Variants in PRR14L observed in about 807,000 individuals in gnomAD.
The protein encoded by PRR14L is protein PRR14L.
Under a neutral mutation model 155.0 loss-of-function variants are expected in PRR14L, and 80 were observed. The observed-to-expected ratio is 0.52, with a 90% CI of 0.43 to 0.62. The LOEUF (loss-of-function observed/expected upper bound fraction) is 0.62. Among genes scored for constraint, PRR14L ranks in the 20% least tolerant of loss-of-function variants. The pLI, the probability that PRR14L is intolerant of heterozygous loss-of-function variation, is 0.00. For missense variants in PRR14L, 2,469 were observed against 2,548.0 expected (o/e 0.97, Z 0.67); for synonymous variants, 883 against 916.0 (o/e 0.96, Z 0.65).
chr22:31,718,221 C>T (rs1276205602), intron 3 of PRR14L, among the ~76,000 whole-genome samples: 1 of 151,356 alleles, frequency 6.6e-6, no homozygotes, highest in Non-Finnish European at 1.5e-5. Flanking sequence ...AGCCACCACG[C>T]CCGGCCCGCC....
In PRR14L at chr22:31,715,206, G is replaced by T; in HGVS notation, c.2633C>A (p.Ala878Glu). ...TGAAATTCCACTATTTAACAAGCCT[G>T]CTACCATTTTGTTTCTGATCTTATC... The part of the protein sequence containing the change: ...PGDKIRNKMV[A>E]GLLNSGISNK... Residue 878 changes from alanine (A) to glutamate (E), a missense_variant, in exon 4 of 9, where the codon GCA becomes GAA. Physicochemically the swap from Ala to Glu is moderately radical, Grantham distance 107 (BLOSUM62 -1). Around this residue, in one of 2 missense-constraint regions of PRR14L, gnomAD observed 2,363 missense variants for 2,371.6 expected, o/e 1.00. Transcript: ENST00000327423. The T allele has an allele frequency of 1.9e-6, 3 of 1,552,188 alleles. No homozygotes were observed. Among genetic ancestry groups the T allele is most frequent in the Non-Finnish European group, 2.6e-6 (3 of 1,147,106 alleles).
At chr22:31,696,698 A>G (rs981716882) in intron 7 of PRR14L, among the ~76,000 whole-genome samples, 3 of 152,268 alleles carry the variant, frequency 2.0e-5, no homozygotes, top group Non-Finnish European at 4.4e-5. Flanking sequence ...TGATACATCA[A>G]TCAAAACACT....
rs906687373 is a variant in PRR14L, at chr22:31,714,059, A to G, written c.3780T>C (p.Asn1260=). ...NVNSEETDLK[N]LCKPKDGEML... ...TTTCACCATCTTTTGGTTTACAAAG[A>G]TTTTTCAGGTCAGTTTCTTCACTGT... The change falls in exon 4 of 9, where the codon AAT becomes AAC. Residue 1260 remains asparagine (N), a synonymous_variant. Transcript: ENST00000327423. 8 of 1,550,028 alleles carry G rather than the reference A, an allele frequency of 5.2e-6. No homozygotes were observed. The Admixed American group carries it at 1.4e-4, about 27-fold the overall frequency.
chr22:31,725,070 T>C (rs1014857068), intron 3 of PRR14L, among the ~76,000 whole-genome samples: 3 of 152,140 alleles, frequency 2.0e-5, no homozygotes, highest in African/African-American at 7.2e-5. Context: ...TATTTGATGA[T>C]ATAAAATCCA....
At chr22:31,730,735 C>T (rs1232029449) in intron 2 of PRR14L, among the ~76,000 whole-genome samples, 4 of 152,154 alleles carry the variant, frequency 2.6e-5, no homozygotes, top group African/African-American at 9.7e-5. Context: ...ATTAATGATT[C>T]CTGCTTGAGA....
intron 2 of PRR14L, among the ~76,000 whole-genome samples, chr22:31,728,227 T>A (rs2074728430): frequency 6.6e-6 from 1 of 152,120 alleles, no homozygotes; most frequent in Non-Finnish European, 1.5e-5. Flanking sequence ...TAGCCAATCA[T>A]ATGATGAACT....
At chr22:31,729,116 C>G (rs1028555969) in intron 2 of PRR14L, among the ~76,000 whole-genome samples, 5 of 152,258 alleles carry the variant, frequency 3.3e-5, no homozygotes, top group Non-Finnish European at 7.3e-5. Context: ...TTCAGCTTGG[C>G]TCTTGCAGCT....
chr22:31,702,419 C>T (rs187626092), intron 6 of PRR14L, among the ~76,000 whole-genome samples: 1 of 152,240 alleles, frequency 6.6e-6, no homozygotes, highest in African/African-American at 2.4e-5. Flanking sequence ...CAGGGTTTCT[C>T]CATGTTGGTC....
At chr22:31,698,416 T>C (rs1198158634) in intron 7 of PRR14L, among the ~76,000 whole-genome samples, 3 of 151,910 alleles carry the variant, frequency 2.0e-5, no homozygotes, top group Non-Finnish European at 2.9e-5. Flanking sequence ...TTTTCTCTTA[T>C]ATTAAATATG....
chr22:31,708,462 G>T (rs1194439409), intron 4 of PRR14L, among the ~76,000 whole-genome samples: 2 of 151,816 alleles, frequency 1.3e-5, no homozygotes, highest in East Asian at 2.0e-4. Context: ...GAGTAGCTGG[G>T]ATTACAAGCA....
In PRR14L at chr22:31,735,593, C is replaced by T. The variant is rs1228265229; in HGVS notation, c.474+2794G>A. On this transcript the variant is annotated intron_variant, in intron 2 of 8. Coordinates refer to ENST00000327423, the MANE Select transcript of PRR14L (RefSeq NM_173566.3). ...GTATTACGCATGCTTTTATATCAAACATTACATTAAAAAACTTTTCTCTCC... is the reference window on the plus strand; with the variant it reads ...GTATTACGCATGCTTTTATATCAAATATTACATTAAAAAACTTTTCTCTCC... Among the ~76,000 whole-genome samples, 4 of 147,474 alleles carry T rather than the reference C, an allele frequency of 2.7e-5. No individual in the cohort carries two copies. The East Asian group carries it at 8.0e-4, about 29-fold the overall frequency.
chr22:31,735,028 T>G (rs1435917058), intron 2 of PRR14L, among the ~76,000 whole-genome samples: 3 of 152,266 alleles, frequency 2.0e-5, no homozygotes, highest in Non-Finnish European at 4.4e-5. Context: ...GAGATCACTT[T>G]TTGAAACTGA....
intron 3 of PRR14L, among the ~76,000 whole-genome samples, chr22:31,718,884 G>A (rs1376934469): frequency 4.6e-5 from 7 of 151,590 alleles, no homozygotes; most frequent in African/African-American, 1.2e-4. Flanking sequence ...GACTAGCCTG[G>A]CCAACATGAC....
chr22:31,705,534 C>T (rs938264975), intron 4 of PRR14L, among the ~76,000 whole-genome samples: 12 of 151,984 alleles, frequency 7.9e-5, no homozygotes, highest in South Asian at 2.1e-4. Flanking sequence ...CCATCATGCC[C>T]GGGTAATTTT....
chr22:31,738,838 GTC>G lies in PRR14L; in HGVS notation c.21_22del (p.Glu7AspfsTer7). The stretch of plus-strand genomic sequence containing the variant: ...GGAGGAATCAAGTGGAACTGGCTGA[GTC>G]TCTACTCCAGATGACAGCATTAGGA... On this transcript the variant is annotated frameshift_variant, in exon 2 of 9. Coordinates refer to ENST00000327423, the MANE Select transcript of PRR14L (RefSeq NM_173566.3). LOFTEE classifies it high-confidence loss of function. 6.5e-7 allele frequency: 1 copy of G among 1,543,644 alleles called. No individual in the cohort carries two copies. The highest frequency in any genetic ancestry group is 2.4e-5 in the East Asian group (1 of 40,918).
chr22:31,702,632 C>T (rs950706418), intron 6 of PRR14L, among the ~76,000 whole-genome samples: 3 of 152,222 alleles, frequency 2.0e-5, no homozygotes, highest in South Asian at 2.1e-4. Context: ...TCTACTGCCT[C>T]GGCCTCCAGA....
At chr22:31,709,163 G>A (rs1362150692) in intron 4 of PRR14L, among the ~76,000 whole-genome samples, 2 of 151,786 alleles carry the variant, frequency 1.3e-5, no homozygotes, top group African/African-American at 4.8e-5. Context: ...GGCTGGTCTT[G>A]AACTCCTGGC....
At chr22:31,698,128 G>A (rs1230451837) in intron 7 of PRR14L, among the ~76,000 whole-genome samples, 2 of 151,162 alleles carry the variant, frequency 1.3e-5, no homozygotes, top group Non-Finnish European at 2.9e-5. Flanking sequence ...GGGTTCAAGC[G>A]ATTCTCCTGC....
chr22:31,705,627 T>C (rs2074586788), intron 4 of PRR14L, among the ~76,000 whole-genome samples: 2 of 151,718 alleles, frequency 1.3e-5, no homozygotes, highest in South Asian at 4.2e-4. Context: ...CCACCTTAAA[T>C]TCCCAAAGTG....
Sources: gnomAD v4.1 joint callset for allele counts (sites outside exome capture counted in the v4.1 genomes callset) on GRCh38, gnomAD v4.1.1 for gene constraint, gnomAD v4.1.1 regional missense constraint, MANE v1.5 for transcripts, NCBI Gene and HGNC (gene_info 2026-07-23, HGNC 2026-07-21) for gene names.